The following CDKN2A variants were observed in gnomAD, a reference collection of about 807,000 sequenced individuals.
The protein encoded by CDKN2A is cyclin dependent kinase inhibitor 2A.
Under a neutral mutation model 11.1 loss-of-function variants are expected in CDKN2A, and 3 were observed. The observed-to-expected ratio is 0.27, with a 90% confidence interval of 0.12 to 0.70. The LOEUF (loss-of-function observed/expected upper bound fraction) is 0.70. Among genes scored for constraint, CDKN2A ranks in the 30% least tolerant of loss-of-function variants. The pLI, the probability that CDKN2A is intolerant of heterozygous loss-of-function variation, is 0.77. For missense variants in CDKN2A, 265 were observed against 233.6 expected, an observed-to-expected ratio of 1.13 and a Z score of -0.88; for synonymous variants, 122 against 108.1, an observed-to-expected ratio of 1.13 and a Z score of -0.80.
At position 21,968,913 on chromosome 9, in the gene CDKN2A, C is replaced by T. The variant is rs994373765; in HGVS notation, c.458-671G>A. ...TGAGAGTCTCAAGATTATTTTATTC[C>T]TGAGGGAGCATTTGCACTTGAAAGT... is the stretch of plus-strand genomic sequence containing the variant. On this transcript the variant is annotated intron_variant, in intron 2 of 2. Coordinates refer to ENST00000304494, the MANE Select transcript of CDKN2A (RefSeq NM_000077.5). This position sits in a 1 kb window ranked among gnomAD's most constrained non-coding sequence, Gnocchi z 4.7. 9.7e-6 allele frequency: 8 copies of T among 823,318 alleles called. No individual in the cohort carries two copies. Among genetic ancestry groups the T allele is most frequent in the Non-Finnish European group, 1.6e-5 (8 of 508,726 alleles). The allele number at this position is 823,318 out of a possible 1,614,324, so 51.0% of individuals were successfully genotyped here.
At chr9:21,975,768 T>C (rs1445990071), upstream of CDKN2A, among the ~76,000 whole-genome samples, 2 of 152,206 alleles carry the variant, frequency 1.3e-5, no homozygotes, top group Non-Finnish European at 2.9e-5. Flanking sequence ...TCATAATTCC[T>C]AGACCAGAAA....
upstream of CDKN2A, among the ~76,000 whole-genome samples, chr9:21,977,570 T>G (rs545267861): frequency 2.6e-5 from 4 of 152,238 alleles, no homozygotes; most frequent in African/African-American, 9.6e-5. Context: ...TTCACTATGT[T>G]GGCTAGGCTT....
chr9:21,983,043 C>T (rs953390941), intron 2 of CDKN2A, among the ~76,000 whole-genome samples: 5 of 152,084 alleles, frequency 3.3e-5, no homozygotes, highest in Non-Finnish European at 7.4e-5. Context: ...TTTGAGGACT[C>T]TGCTTTAGAG....
At chr9:21,982,474 T>C (rs565271577) in intron 2 of CDKN2A, among the ~76,000 whole-genome samples, 34 of 149,118 alleles carry the variant, frequency 2.3e-4, no homozygotes, top group African/African-American at 6.8e-4. Context: ...TTAACTTTTT[T>C]GTAAATTTTT....
chr9:21,977,892 A>C (rs1375605874), upstream of CDKN2A, among the ~76,000 whole-genome samples: 4 of 152,158 alleles, frequency 2.6e-5, no homozygotes, highest in Non-Finnish European at 5.9e-5. Flanking sequence ...CTCTTGTGAA[A>C]AATATATATA....
chr9:21,974,980 C>G, upstream of CDKN2A: 1 of 1,395,990 alleles, frequency 7.2e-7, no homozygotes, highest in Non-Finnish European at 9.2e-7. This position sits in a 1 kb window ranked among gnomAD's most constrained non-coding sequence, Gnocchi z 5.2. Flanking sequence ...CTCAAATCCT[C>G]TGGAGGGACC....
intron 2 of CDKN2A, among the ~76,000 whole-genome samples, chr9:21,984,786 C>CT (rs994422621): frequency 6.6e-6 from 1 of 151,948 alleles, no homozygotes; most frequent in African/African-American, 2.4e-5. Flanking sequence ...GGTTGTCCCC[C>CT]TTTTGCCCCT....
chr9:21,968,301 A>AT lies in CDKN2A; in HGVS notation c.458-60dup. 1.3e-6 allele frequency: 2 copies of AT among 1,594,928 alleles called. No individual in the cohort carries two copies. Among genetic ancestry groups the AT allele is most frequent in the Admixed American group, 3.3e-5 (2 of 59,916 alleles). On this transcript the variant is annotated intron_variant, in intron 2 of 2. Coordinates refer to ENST00000304494, the MANE Select transcript of CDKN2A (RefSeq NM_000077.5). The surrounding 1 kb of genome is among the most constrained non-coding windows in gnomAD (Gnocchi z 4.7). ...ACCTGAGGTCAAAGATGTGTGGCAC[A>AT]TCCCGCCCTCCTCTCTTGCCGTCCC...
At chr9:21,975,025 G>A (rs1157679816), upstream of CDKN2A, 22 of 1,380,152 alleles carry the variant, frequency 1.6e-5, no homozygotes, top group Non-Finnish European at 2.0e-5. Context: ...CGCCGTGAGC[G>A]AGTGCTCGGA....
chr9:21,974,881 C>A (rs2131114845), upstream of CDKN2A: 2 of 1,470,082 alleles, frequency 1.4e-6, no homozygotes. The surrounding 1 kb of genome is among the most constrained non-coding windows in gnomAD (Gnocchi z 5.2). Context: ...CCGCCGAGCG[C>A]ACGCGGTCCG....
rs1421519935 is a variant in CDKN2A at position 21,989,601 on chromosome 9, T to G, written c.-4+4281A>C. 2.0e-5 allele frequency: 3 copies of G among 152,148 alleles called. No individual in the cohort carries two copies. The East Asian group carries it at 5.8e-4, about 29-fold the overall frequency. 9.4% of individuals were successfully genotyped at this position (152,148 alleles called of 1,614,324 possible). On this transcript the variant is annotated intron_variant, in intron 2 of 3. Coordinates refer to the CDKN2A transcript ENST00000494262. The stretch of plus-strand genomic sequence containing the variant: ...TGTCAAGAGTCTCAGAAGCGCACTT[T>G]CCCCGTGGTTCCTCCGGGTAACCCT...
Position 21,968,462 on chromosome 9 carries a change from C to T in CDKN2A, c.458-220G>A. The stretch of plus-strand genomic sequence containing the variant: ...GCCTGGCTGCTCCAGGCGCGCCGAC[C>T]GCTCAAGCGCTCCAGGTCCACCCGG... On this transcript the variant is annotated intron_variant, in intron 2 of 2. Transcript: ENST00000304494. The surrounding 1 kb of genome is among the most constrained non-coding windows in gnomAD (Gnocchi z 4.7). 1 of 1,480,914 alleles carries T rather than the reference C, an allele frequency of 6.8e-7. No individual in the cohort carries two copies. The highest frequency in any genetic ancestry group is 8.9e-7 in the Non-Finnish European group (1 of 1,120,056). The allele number at this position is 1,480,914 out of a possible 1,614,324, so 91.7% of individuals were successfully genotyped here. A position where few individuals can be genotyped will look rare whatever the true frequency, so the allele number is the denominator to read the frequency against.
chr9:21,974,413 A>AT lies in CDKN2A; in HGVS notation c.150+264dup. ...CTGATAAAGAGCATACTTCCATCTA[A>AT]TACAAATATGTTCCCCCCTTCAGAT... On this transcript the variant is annotated intron_variant, in intron 1 of 2. Coordinates refer to ENST00000304494, the MANE Select transcript of CDKN2A (RefSeq NM_000077.5). This position sits in a 1 kb window ranked among gnomAD's most constrained non-coding sequence, Gnocchi z 5.2. The AT allele has an allele frequency of 6.2e-7, 1 of 1,602,340 alleles. No homozygotes were observed. Among genetic ancestry groups the AT allele is most frequent in the Non-Finnish European group, 8.5e-7 (1 of 1,173,066 alleles).
Position 21,971,167 on chromosome 9 carries a change from C to G in CDKN2A, c.192G>C (p.Leu64=), listed in dbSNP as rs876659128. ...MGSARVAELL[L]LHGAEPNCAD... is the part of the protein sequence containing the mutation. ...CGCAGTTGGGCTCCGCGCCGTGGAG[C>G]AGCAGCAGCTCCGCCACTCGGGCGC... is the stretch of plus-strand genomic sequence containing the variant. The change falls in exon 2 of 3, where the codon CTG becomes CTC. Residue 64 remains leucine, a synonymous_variant. Coordinates refer to ENST00000304494, the MANE Select transcript of CDKN2A (RefSeq NM_000077.5). 6.3e-7 allele frequency: 1 copy of G among 1,595,192 alleles called. No individual in the cohort carries two copies. The highest frequency in any genetic ancestry group is 8.5e-7 in the Non-Finnish European group (1 of 1,177,810).
Position 21,991,640 on chromosome 9 carries a change from T to C in CDKN2A, c.-4+2242A>G, listed in dbSNP as rs1049848584. On this transcript the variant is annotated intron_variant, in intron 2 of 3. Coordinates refer to the CDKN2A transcript ENST00000494262. This position sits in a 1 kb window ranked among gnomAD's most constrained non-coding sequence, Gnocchi z 5.2. ...GGGAAAATGGTTTAGCTTAACTCTA[T>C]CATGGTAGTTGATAGTGATGAACTA... 2 of 983,976 alleles carry C rather than the reference T, an allele frequency of 2.0e-6. No homozygotes were observed. Among genetic ancestry groups the C allele is most frequent in the African/African-American group, 3.5e-5 (2 of 57,220 alleles). 61.0% of individuals were successfully genotyped at this position (983,976 alleles called of 1,614,324 possible). A position where few individuals can be genotyped will look rare whatever the true frequency, so the allele number is the denominator to read the frequency against.
Position 21,968,217 on chromosome 9 carries a change from T to A in CDKN2A, c.*12A>T, listed in dbSNP as rs2131079299. On this transcript the variant is annotated 3_prime_UTR_variant, in exon 3 of 3. Transcript: ENST00000304494. The surrounding 1 kb of genome is among the most constrained non-coding windows in gnomAD (Gnocchi z 4.7). ...AAGTTTCCCGAGGTTTCTCAGAGCC[T>A]CTCTGGTTCTTTCAATCGGGGATGT... 6.2e-7 allele frequency: 1 copy of A among 1,613,620 alleles called. No homozygotes were observed.
chr9:21,970,588 C>A (rs1325635330), intron 2 of CDKN2A: 6 of 584,056 alleles, frequency 1.0e-5, no homozygotes, highest in Non-Finnish European at 1.8e-5. Flanking sequence ...AGACCTCTAG[C>A]CTCTTGAGTC....
At chr9:21,969,617 G>C (rs976835454) in intron 2 of CDKN2A, 8 of 281,152 alleles carry the variant, frequency 2.8e-5, no homozygotes, top group Non-Finnish European at 5.3e-5. Context: ...TTATTCATTT[G>C]CTTGTGGCCC....
rs774318317 is a variant in CDKN2A, at chr9:21,968,585, G to A, written c.458-343C>T. 199 of 1,471,874 alleles carry A rather than the reference G, an allele frequency of 1.4e-4. No homozygotes were observed. Among genetic ancestry groups the A allele is most frequent in the Admixed American group, 2.9e-4 (12 of 41,364 alleles). The allele number at this position is 1,471,874 out of a possible 1,614,324, so 91.2% of individuals were successfully genotyped here. A position where few individuals can be genotyped will look rare whatever the true frequency, so the allele number is the denominator to read the frequency against. ...TCAGTGGTTGCTCACAATGCCAGGC[G>A]CGAAGGCGTGAAGATGTGGCCTTTC... On this transcript the variant is annotated intron_variant, in intron 2 of 2. Coordinates refer to ENST00000304494, the MANE Select transcript of CDKN2A (RefSeq NM_000077.5). The surrounding 1 kb of genome is among the most constrained non-coding windows in gnomAD (Gnocchi z 4.7).
Sources: allele counts gnomAD v4.1 joint callset (sites outside exome capture counted in the v4.1 genomes callset), GRCh38; gene constraint gnomAD v4.1.1; non-coding constraint Gnocchi (gnomAD v3.1); transcripts MANE v1.5; gene names NCBI Gene and HGNC (gene_info 2026-07-23, HGNC 2026-07-21).